Variants in WASF3 observed in about 807,000 individuals in gnomAD.
The protein encoded by WASF3 is actin-binding protein WASF3.
Under a neutral mutation model 46.6 loss-of-function variants are expected in WASF3, and 11 were observed. The ratio of observed to expected loss-of-function variants is 0.24; its 90% CI spans 0.15 to 0.39. The LOEUF is 0.39. WASF3 is among the 10% of genes least tolerant of loss of function. The probability of loss-of-function intolerance (pLI) is 1.00; values close to 1 mark genes in which losing one functional copy is unlikely to be tolerated. For synonymous variants in WASF3, 242 were observed against 259.7 expected (o/e 0.93, Z 0.65); for missense variants, 576 against 669.8 (o/e 0.86, Z 1.55).
rs1368132107 is a variant in WASF3, at chr13:26,676,574, C to A, written c.566C>A (p.Thr189Asn). The change falls in exon 7 of 10, where the codon ACC (threonine) becomes AAC (asparagine). Residue 189 changes from threonine (T) to asparagine (N), a missense_variant. Transcript: ENST00000335327. Reference sequence around the variant, plus strand: ...GAGCAAAAGCGTATAGATGGCACCACCCGTGAGGTGAAAAAGGTTAGAAAA... The same window carrying A: ...GAGCAAAAGCGTATAGATGGCACCAACCGTGAGGTGAAAAAGGTTAGAAAA... Reference protein sequence around the residue: ...QKEQKRIDGTTREVKKVRKAR... With the variant: ...QKEQKRIDGTNREVKKVRKAR... 6 of 1,613,980 alleles carry A rather than the reference C, an allele frequency of 3.7e-6. No individual in the cohort carries two copies. Among genetic ancestry groups the A allele is most frequent in the African/African-American group, 1.3e-5 (1 of 74,910 alleles).
intron 3 of WASF3, among the ~76,000 whole-genome samples, chr13:26,644,917 C>A (rs958605851): frequency 6.6e-6 from 1 of 152,134 alleles, no homozygotes; most frequent in African/African-American, 2.4e-5. Flanking sequence ...ATGGCTTTCC[C>A]CTCCCATTTG....
At chr13:26,666,251 C>T (rs1418466362) in intron 4 of WASF3, among the ~76,000 whole-genome samples, 7 of 152,168 alleles carry the variant, frequency 4.6e-5, no homozygotes, top group Non-Finnish European at 7.4e-5. Context: ...CAATCATTCA[C>T]GTTTTAAATT....
chr13:26,575,105 G>T (rs1244282898), intron 1 of WASF3, among the ~76,000 whole-genome samples: 1 of 151,928 alleles, frequency 6.6e-6, no homozygotes, highest in Non-Finnish European at 1.5e-5. Context: ...CACAGCGCTG[G>T]GATTACAGGC....
chr13:26,610,226 G>A (rs1880930392), intron 1 of WASF3, among the ~76,000 whole-genome samples: 1 of 152,072 alleles, frequency 6.6e-6, no homozygotes, highest in Admixed American at 6.5e-5. Context: ...CTTAGTTTAG[G>A]TCTTCATCAC....
intron 1 of WASF3, among the ~76,000 whole-genome samples, chr13:26,599,839 A>G (rs767386835): frequency 4.6e-5 from 7 of 152,198 alleles, no homozygotes; most frequent in Non-Finnish European, 7.3e-5. Flanking sequence ...GTAATGTTAT[A>G]GAATGGAGGT....
rs1879657010 is a variant in WASF3 at position 26,572,198 on chromosome 13, C to T, written c.-109+14379C>T. Among the ~76,000 whole-genome samples, 4 of 152,074 alleles carry T rather than the reference C, an allele frequency of 2.6e-5. No homozygotes were observed. The South Asian group carries it at 8.3e-4, about 32-fold the overall frequency. ...TAATTGTTTTCTGTTGTCTAATTGCCTTGGTGAATACCTTCAGAAAAATGT... is the reference window on the plus strand; with the variant it reads ...TAATTGTTTTCTGTTGTCTAATTGCTTTGGTGAATACCTTCAGAAAAATGT... On this transcript the variant is annotated intron_variant, in intron 1 of 9. Transcript: ENST00000335327.
At chr13:26,597,484 C>CT (rs752075676) in intron 1 of WASF3, among the ~76,000 whole-genome samples, 6,107 of 149,090 alleles carry the variant, frequency 0.041, 374 homozygotes, top group African/African-American at 0.13. Flanking sequence ...ACGTTTTAGT[C>CT]TTTTTTTTTT....
intron 3 of WASF3, among the ~76,000 whole-genome samples, chr13:26,659,412 G>A (rs1400205371): frequency 2.6e-5 from 4 of 152,206 alleles, no homozygotes; most frequent in Admixed American, 1.3e-4. Context: ...GAGCTAGGTC[G>A]TGTAGGAGCT....
At chr13:26,632,759 C>CT (rs955813661) in intron 2 of WASF3, among the ~76,000 whole-genome samples, 22 of 152,292 alleles carry the variant, frequency 1.4e-4, no homozygotes, top group Middle Eastern at 3.4e-3. Flanking sequence ...ACCAGCTCCT[C>CT]TTTGTACCTC....
intron 1 of WASF3, among the ~76,000 whole-genome samples, chr13:26,561,333 G>A (rs1879288316): frequency 6.6e-6 from 1 of 152,130 alleles, no homozygotes; most frequent in Admixed American, 6.6e-5. Context: ...CCGTGTGTGT[G>A]TATGTGGTGG....
intron 6 of WASF3, among the ~76,000 whole-genome samples, 153 bp from the exon 7 acceptor site, chr13:26,676,396 G>A (rs1883069242): frequency 6.6e-6 from 1 of 152,208 alleles, no homozygotes; most frequent in Non-Finnish European, 1.5e-5. Context: ...GGAGTGCACT[G>A]CTTTAGAGTT....
chr13:26,618,598 G>T (rs1189862867), intron 2 of WASF3, among the ~76,000 whole-genome samples: 1 of 150,898 alleles, frequency 6.6e-6, no homozygotes, highest in Non-Finnish European at 1.5e-5. Flanking sequence ...CTATGTTTTG[G>T]AGGACACTCC....
chr13:26,656,415 T>C (rs1882466819), intron 3 of WASF3, among the ~76,000 whole-genome samples: 1 of 152,234 alleles, frequency 6.6e-6, no homozygotes, highest in Non-Finnish European at 1.5e-5. Context: ...TTAGAAACTA[T>C]TTATCAGTGG....
rs534501335 is a variant in WASF3, at chr13:26,576,146, C to T, written c.-109+18327C>T. On this transcript the variant is annotated intron_variant, in intron 1 of 9. Transcript: ENST00000335327. ...TTGTTTTATTCACTTCAACTTTGAC[C>T]CTTTATACTTCTTTTTAAATTTCAC... Among the ~76,000 whole-genome samples, 5 of 151,908 alleles carry T rather than the reference C, an allele frequency of 3.3e-5. No homozygotes were observed. The East Asian group carries it at 5.8e-4, about 18-fold the overall frequency.
upstream of WASF3, among the ~76,000 whole-genome samples, chr13:26,556,957 T>C (rs781453736): frequency 2.5e-5 from 3 of 122,020 alleles, no homozygotes; most frequent in Non-Finnish European, 5.0e-5. Context: ...TTCTATCTTT[T>C]CTTCTCTTCC....
intron 1 of WASF3, among the ~76,000 whole-genome samples, chr13:26,560,532 C>A (rs548766556): frequency 6.6e-6 from 1 of 152,216 alleles, no homozygotes; most frequent in African/African-American, 2.4e-5. Flanking sequence ...TGAATGCCTA[C>A]TAGGTACCAG....
chr13:26,587,866 T>C (rs765663610), intron 1 of WASF3, among the ~76,000 whole-genome samples: 1 of 152,162 alleles, frequency 6.6e-6, no homozygotes, highest in Non-Finnish European at 1.5e-5. Context: ...AATGAGTTTT[T>C]AAAATGAAGA....
At chr13:26,556,727 T>C (rs537138896), upstream of WASF3, among the ~76,000 whole-genome samples, 258 of 152,362 alleles carry the variant, frequency 1.7e-3, no homozygotes, top group African/African-American at 5.7e-3. Flanking sequence ...TAGATGTTGA[T>C]CATTATTACA....
intron 1 of WASF3, among the ~76,000 whole-genome samples, chr13:26,580,882 C>G (rs1399152309): frequency 6.6e-6 from 1 of 151,786 alleles, no homozygotes; most frequent in Non-Finnish European, 1.5e-5. Flanking sequence ...AGCTCGGCCT[C>G]CCAAAGTGTT....
Sources: allele counts gnomAD v4.1 joint callset (sites outside exome capture counted in the v4.1 genomes callset), GRCh38; gene constraint gnomAD v4.1.1; transcripts MANE v1.5; gene names NCBI Gene and HGNC (gene_info 2026-07-23, HGNC 2026-07-21).